TAF2: variants seen among roughly 807,000 people sequenced by gnomAD.
TAF2 encodes the protein TATA-box binding protein associated factor 2, also known as transcription initiation factor TFIID subunit 2.
In TAF2, 61 loss-of-function variants were observed where a neutral mutation model predicts 138.5. That is an observed-to-expected ratio of 0.44 (90% confidence interval 0.36 to 0.54). The LOEUF is 0.54. Among genes scored for constraint, TAF2 ranks in the 20% least tolerant of loss-of-function variants. The pLI, the probability that TAF2 is intolerant of heterozygous loss-of-function variation, is 0.00. For missense variants in TAF2, 1,090 were observed against 1,427.9 expected, an observed-to-expected ratio of 0.76 and a Z score of 3.81; for synonymous variants, 475 against 469.9, an observed-to-expected ratio of 1.01 and a Z score of -0.14.
Position 119,746,721 on chromosome 8 carries a change from A to G in TAF2, c.3092T>C (p.Val1031Ala), listed in dbSNP as rs1257611453. The G allele has an allele frequency of 1.2e-6, 2 of 1,614,162 alleles. No homozygotes were observed. Among genetic ancestry groups the G allele is most frequent in the African/African-American group, 1.3e-5 (1 of 75,048 alleles). ...GATTCTTACAGGGTTCTGAAATCCA[A>G]CTAGCTGTGGGTGACTGCTTGGATT... The part of the protein sequence containing the change: ...ANNPSSHPQL[V>A]GFQNPFSSSQ... The change falls in exon 23 of 26, where the codon GTT (valine) becomes GCT (alanine). Residue 1031 changes from valine to alanine, a missense_variant. Physicochemically the swap from Val to Ala is moderately conservative, Grantham distance 64. Coordinates refer to ENST00000378164, the MANE Select transcript of TAF2 (RefSeq NM_003184.4).
intron 25 of TAF2, among the ~76,000 whole-genome samples, chr8:119,734,902 G>A (rs1283008771): frequency 6.6e-6 from 1 of 152,050 alleles, no homozygotes; most frequent in African/African-American, 2.4e-5. Flanking sequence ...GAAGAAATAA[G>A]GAAACAAAGA....
intron 19 of TAF2, among the ~76,000 whole-genome samples, chr8:119,761,166 T>C (rs754362457): frequency 4.6e-5 from 7 of 152,194 alleles, no homozygotes; most frequent in Non-Finnish European, 1.0e-4. Context: ...TATTATCTTT[T>C]ATACCGTATT....
chr8:119,824,563 T>C (rs1183950555), intron 2 of TAF2, among the ~76,000 whole-genome samples: 3 of 152,180 alleles, frequency 2.0e-5, no homozygotes, highest in Non-Finnish European at 4.4e-5. Context: ...CTCCAGGGCA[T>C]GTCAGAGGTC....
chr8:119,741,485 G>C (rs1819598348), intron 25 of TAF2, among the ~76,000 whole-genome samples: 1 of 152,170 alleles, frequency 6.6e-6, no homozygotes, highest in Non-Finnish European at 1.5e-5. Flanking sequence ...CACTCATTAA[G>C]TGCAATAAGT....
chr8:119,788,699 T>G (rs1823208103), intron 13 of TAF2, 91 bp downstream of exon 13: 2 of 963,564 alleles, frequency 2.1e-6, no homozygotes, highest in African/African-American at 3.2e-5. Context: ...CAAAATCTCA[T>G]TAATTTCTAA....
At chr8:119,748,689 T>C (rs1820144602) in intron 22 of TAF2, among the ~76,000 whole-genome samples, 1 of 152,134 alleles carries the variant, frequency 6.6e-6, no homozygotes, top group Non-Finnish European at 1.5e-5. Flanking sequence ...TAGGCATTCA[T>C]TTCTCCTCCT....
chr8:119,811,455 C>T (rs1825047966), intron 3 of TAF2, among the ~76,000 whole-genome samples: 1 of 152,090 alleles, frequency 6.6e-6, no homozygotes, highest in Non-Finnish European at 1.5e-5. Flanking sequence ...TAAATTTTCA[C>T]AAACTGAAAA....
At chr8:119,751,319 T>C (rs571482813) in intron 22 of TAF2, among the ~76,000 whole-genome samples, 8 of 152,328 alleles carry the variant, frequency 5.3e-5, no homozygotes, top group African/African-American at 1.9e-4. Flanking sequence ...GCCCAGAGCA[T>C]AAAATCTAAA....
intron 2 of TAF2, among the ~76,000 whole-genome samples, chr8:119,821,406 T>C (rs775327339): frequency 4.6e-5 from 7 of 152,122 alleles, no homozygotes; most frequent in Non-Finnish European, 8.8e-5. Flanking sequence ...TAAAACTCCC[T>C]CTCTACCCTC....
Position 119,801,832 on chromosome 8 carries a change from CA to C in TAF2, c.753del (p.Ile251MetfsTer8), listed in dbSNP as rs765594202. On this transcript the variant is annotated frameshift_variant, in exon 6 of 26. Transcript: ENST00000378164. LOFTEE classifies it high-confidence loss of function. Reference protein sequence around the residue: ...PTAASNISLAIGPFEILVDPY... With the variant: ...PTAASNISLAXGPFEILVDPY... ...GGATCTACCAGTATTTCAAATGGTC[CA>C]ATGGCCAAGGAGATATTTGACGCTG... 1.9e-6 allele frequency: 3 copies of C among 1,614,050 alleles called. No individual in the cohort carries two copies. The highest frequency in any genetic ancestry group is 2.5e-6 in the Non-Finnish European group (3 of 1,180,010).
At position 119,803,980 on chromosome 8, in the gene TAF2, T is replaced by C; in HGVS notation, c.458A>G (p.Asp153Gly). ...AAAATGAAGACCTCCTTTGGGCTGA[T>C]CCAAAGAAAAATTGATGTGTATCTT... Reference protein sequence around the residue: ...VLKIHINFSLDQPKGGLHFVV... With the variant: ...VLKIHINFSLGQPKGGLHFVV... Residue 153 changes from aspartate to glycine, a missense_variant, in exon 5 of 26, where the codon GAT (aspartate) becomes GGT (glycine). This residue lies in a region of TAF2 where 504 missense variants were observed against 680.9 expected (regional missense o/e 0.74). Transcript: ENST00000378164. 1.2e-6 allele frequency: 2 copies of C among 1,614,094 alleles called. No homozygotes were observed. Among genetic ancestry groups the C allele is most frequent in the Non-Finnish European group, 1.7e-6 (2 of 1,180,002 alleles).
intron 22 of TAF2, among the ~76,000 whole-genome samples, chr8:119,751,426 C>T (rs1820344168): frequency 6.6e-6 from 1 of 152,122 alleles, no homozygotes; most frequent in Non-Finnish European, 1.5e-5. Flanking sequence ...ATATATAATT[C>T]TACTACCTAA....
chr8:119,831,635 A>G lies in TAF2; in HGVS notation c.138+42T>C, dbSNP rs199875975. 9.8e-6 allele frequency: 14 copies of G among 1,434,012 alleles called. 1 individual carries two copies. In the African/African-American group the frequency reaches 1.5e-4, roughly 16 times the overall value. 88.8% of individuals were successfully genotyped at this position (1,434,012 alleles called of 1,614,324 possible). A position where few individuals can be genotyped will look rare whatever the true frequency, so the allele number is the denominator to read the frequency against. On this transcript the variant is annotated intron_variant, in intron 2 of 25. Coordinates refer to ENST00000378164, the MANE Select transcript of TAF2 (RefSeq NM_003184.4). ...TGAGGGGTGGATTGTTACTCTTTAT[A>G]GTGGACTTGTTACTATTTATAATTG...
chr8:119,792,701 A>G lies in TAF2; in HGVS notation c.1277+665T>C, dbSNP rs139849608. Among the ~76,000 whole-genome samples, 960 of 152,212 alleles carry G rather than the reference A, an allele frequency of 6.3e-3. 7 individuals carry two copies. The highest frequency in any genetic ancestry group is 0.01 in the Non-Finnish European group (711 of 68,008). On this transcript the variant is annotated intron_variant, in intron 10 of 25. Transcript: ENST00000378164. Reference sequence around the variant, plus strand: ...TTGGGAAGTGATTAAATCATCAGGGATCTACCCTCATGAATGGGATTAGCG... The same window carrying G: ...TTGGGAAGTGATTAAATCATCAGGGGTCTACCCTCATGAATGGGATTAGCG...
At chr8:119,809,023 C>G (rs1425845149) in intron 3 of TAF2, among the ~76,000 whole-genome samples, 3 of 152,176 alleles carry the variant, frequency 2.0e-5, no homozygotes, top group Non-Finnish European at 4.4e-5. Context: ...AAGAGTCAGC[C>G]CGTCCTTTGA....
At chr8:119,802,097 T>A in intron 5 of TAF2, 72 bp from the exon 6 acceptor site, 2 of 1,257,630 alleles carry the variant, frequency 1.6e-6, no homozygotes, top group Non-Finnish European at 2.3e-6. Context: ...ACATGCAAGT[T>A]ATTTTAGCAT....
intron 18 of TAF2, among the ~76,000 whole-genome samples, chr8:119,769,595 C>T (rs1821681345): frequency 6.6e-6 from 1 of 151,736 alleles, no homozygotes. Flanking sequence ...GATGAAAGAC[C>T]AGATAGATGT....
At chr8:119,759,797 G>A (rs900305149) in intron 20 of TAF2, among the ~76,000 whole-genome samples, 2 of 152,020 alleles carry the variant, frequency 1.3e-5, no homozygotes, top group African/African-American at 4.8e-5. Context: ...AAGGCTACAT[G>A]AGCAACAACT....
rs571639146 is a variant in TAF2, at chr8:119,776,317, A to T, written c.2364+1702T>A. Among the ~76,000 whole-genome samples the T allele has an allele frequency of 2.0e-5, 3 of 151,950 alleles. No homozygotes were observed. In the South Asian group the frequency reaches 6.2e-4, roughly 32 times the overall value. On this transcript the variant is annotated intron_variant, in intron 18 of 25. Coordinates refer to ENST00000378164, the MANE Select transcript of TAF2 (RefSeq NM_003184.4). ...AATGTTGTTTTCTTGATTTTCATTA[A>T]AAAGTCATCTTTTAATAAACATGCC...
Sources: allele counts gnomAD v4.1 joint callset (sites outside exome capture counted in the v4.1 genomes callset), GRCh38; gene constraint gnomAD v4.1.1; regional missense constraint gnomAD v4.1.1; transcripts MANE v1.5; gene names NCBI Gene and HGNC (gene_info 2026-07-23, HGNC 2026-07-21).